The following KCNC4 variants were observed in gnomAD, a reference collection of about 807,000 sequenced individuals.
The protein encoded by KCNC4 is voltage-gated potassium channel KCNC4.
A neutral mutation model predicts 42.8 loss-of-function variants in KCNC4; 23 were observed. The observed-to-expected ratio is 0.54, with a 90% CI of 0.39 to 0.76. The LOEUF is 0.76. Among genes scored for constraint, KCNC4 ranks in the 30% least tolerant of loss-of-function variants. The pLI, the probability that KCNC4 is intolerant of heterozygous loss-of-function variation, is 0.00. For missense variants in KCNC4, 751 were observed against 898.2 expected (o/e 0.84, Z 2.10); for synonymous variants, 422 against 393.5 (o/e 1.07, Z -0.86).
At position 110,211,733 on chromosome 1, in the gene KCNC4, C is replaced by T. The variant is rs1557849990; in HGVS notation, c.234C>T (p.Gly78=). 2 of 1,608,768 alleles carry T rather than the reference C, an allele frequency of 1.2e-6. No homozygotes were observed. Among genetic ancestry groups the T allele is most frequent in the Non-Finnish European group, 1.7e-6 (2 of 1,178,000 alleles). Residue 78 remains glycine (G), a synonymous_variant, in exon 1 of 4, where the codon GGC becomes GGT. Transcript: ENST00000438661. The surrounding 1 kb of genome is among the most constrained non-coding windows in gnomAD (Gnocchi z 6.5). Reference sequence around the variant, plus strand: ...GCGGGGGCCGGCCCGAGACCGATGGCGGCGGTGTGGGTAGCAGCGGCAGCA... The same window carrying T: ...GCGGGGGCCGGCCCGAGACCGATGGTGGCGGTGTGGGTAGCAGCGGCAGCA... ...PDGGGRPETD[G]GGVGSSGSSG...
chr1:110,232,188 G>T (rs753747337), intron 3 of KCNC4: 3 of 1,608,800 alleles, frequency 1.9e-6, no homozygotes, highest in Admixed American at 3.4e-5. Flanking sequence ...TTCTCAATAA[G>T]GTACTATTTC....
chr1:110,212,193 C>T lies in KCNC4; in HGVS notation c.678+16C>T. ...GGCCGCTAGGGTGAGTGGCAGGAGC[C>T]CGTGTCTCCCCATCTTGGGTCTGCA... On this transcript the variant is annotated intron_variant, in intron 1 of 3. Transcript: ENST00000438661. 3 of 1,458,266 alleles carry T rather than the reference C, an allele frequency of 2.1e-6. No homozygotes were observed. The highest frequency in any genetic ancestry group is 1.8e-6 in the Non-Finnish European group (2 of 1,120,776). The allele number at this position is 1,458,266 out of a possible 1,614,324, so 90.3% of individuals were successfully genotyped here.
intron 1 of KCNC4, among the ~76,000 whole-genome samples, chr1:110,257,421 A>G (rs1659353084): frequency 6.6e-6 from 1 of 152,082 alleles, no homozygotes; most frequent in Non-Finnish European, 1.5e-5. Flanking sequence ...CGCAAAAAAA[A>G]AAAAAGTCCA....
chr1:110,251,875 C>T (rs1233875947), downstream of KCNC4, among the ~76,000 whole-genome samples: 18 of 152,320 alleles, frequency 1.2e-4, no homozygotes, highest in South Asian at 1.9e-3. Flanking sequence ...GGTTTGACCC[C>T]GGTGTTTCTG....
chr1:110,258,871 TC>T (rs1258694550), intron 1 of KCNC4, among the ~76,000 whole-genome samples: 1 of 152,072 alleles, frequency 6.6e-6, no homozygotes, highest in African/African-American at 2.4e-5. Context: ...GCCCTCAGCC[TC>T]CCCTCCTCCT....
At chr1:110,270,427 A>C (rs1381846329) in intron 1 of KCNC4, among the ~76,000 whole-genome samples, 1 of 152,242 alleles carries the variant, frequency 6.6e-6, no homozygotes, top group Non-Finnish European at 1.5e-5. Flanking sequence ...CCTGAAGATC[A>C]AACCAAAGCT....
chr1:110,223,532 A>G lies in KCNC4; in HGVS notation c.1247A>G (p.Asp416Gly). The change falls in exon 2 of 4, where the codon GAC becomes GGC. Residue 416 changes from aspartate to glycine, a missense_variant. This residue lies in a region of KCNC4 where 185 missense variants were observed against 293.7 expected (regional missense o/e 0.63). Coordinates refer to ENST00000438661, the MANE Select transcript of KCNC4 (RefSeq NM_001039574.3). The surrounding 1 kb of genome is among the most constrained non-coding windows in gnomAD (Gnocchi z 7.5). The stretch of plus-strand genomic sequence containing the variant: ...AGGCCCTCCGACCCTCGGGGTAATG[A>G]CCACACCGACTTCAAGAACATCCCC... ...GARPSDPRGN[D>G]HTDFKNIPIG... The G allele has an allele frequency of 1.2e-6, 2 of 1,613,874 alleles. No individual in the cohort carries two copies. The highest frequency in any genetic ancestry group is 1.3e-5 in the African/African-American group (1 of 75,018).
At chr1:110,281,415 C>G (rs1295830316) in intron 1 of KCNC4, among the ~76,000 whole-genome samples, 1 of 151,998 alleles carries the variant, frequency 6.6e-6, no homozygotes, top group Non-Finnish European at 1.5e-5. Context: ...GCTCCCACTC[C>G]TCTCTTCAGA....
intron 1 of KCNC4, among the ~76,000 whole-genome samples, chr1:110,269,453 C>G (rs1659603639): frequency 6.6e-6 from 1 of 152,208 alleles, no homozygotes; most frequent in Admixed American, 6.5e-5. Flanking sequence ...GCTTCTTTCA[C>G]TCAGAGAGAC....
At chr1:110,217,050 C>G (rs1363506056) in intron 1 of KCNC4, among the ~76,000 whole-genome samples, 1 of 152,172 alleles carries the variant, frequency 6.6e-6, no homozygotes, top group Non-Finnish European at 1.5e-5. Flanking sequence ...TGCGTACTTA[C>G]CATACACATG....
At chr1:110,267,939 C>T (rs1659571344) in intron 1 of KCNC4, among the ~76,000 whole-genome samples, 1 of 152,160 alleles carries the variant, frequency 6.6e-6, no homozygotes, top group South Asian at 2.1e-4. Context: ...GGTAAGGGCT[C>T]TAACTTTGCT....
chr1:110,217,812 C>T (rs868617467), intron 1 of KCNC4, among the ~76,000 whole-genome samples: 9 of 152,242 alleles, frequency 5.9e-5, no homozygotes, highest in Middle Eastern at 3.4e-3. Context: ...GGCCTTAGTG[C>T]GGGCCCTCAA....
At chr1:110,241,026 A>G (rs976375207) in exon 4 of KCNC4, 2 of 152,390 alleles carry the variant, frequency 1.3e-5, no homozygotes, top group Non-Finnish European at 2.9e-5. Flanking sequence ...AGAGATGGCA[A>G]CCAGCTCCCA....
At chr1:110,273,563 T>C (rs1192563898) in intron 1 of KCNC4, among the ~76,000 whole-genome samples, 1 of 152,216 alleles carries the variant, frequency 6.6e-6, no homozygotes, top group Non-Finnish European at 1.5e-5. Flanking sequence ...GCTGTGGATT[T>C]GAACTGTGTT....
chr1:110,211,913 C>G lies in KCNC4; in HGVS notation c.414C>G (p.Thr138=). Residue 138 remains threonine, a synonymous_variant, in exon 1 of 4, where the codon ACC becomes ACG. Transcript: ENST00000438661. This position sits in a 1 kb window ranked among gnomAD's most constrained non-coding sequence, Gnocchi z 6.5. ...EELTFWGIDE[T]DVEPCCWMTY... is the part of the protein sequence containing the mutation. The stretch of plus-strand genomic sequence containing the variant: ...TCACCTTCTGGGGCATCGACGAGAC[C>G]GACGTGGAACCCTGCTGCTGGATGA... The G allele has an allele frequency of 1.2e-6, 2 of 1,611,632 alleles. No individual in the cohort carries two copies. Among genetic ancestry groups the G allele is most frequent in the African/African-American group, 1.3e-5 (1 of 74,996 alleles).
chr1:110,228,347 C>T (rs1658517745), intron 3 of KCNC4, among the ~76,000 whole-genome samples: 2 of 152,040 alleles, frequency 1.3e-5, no homozygotes, highest in Non-Finnish European at 2.9e-5. Flanking sequence ...CAGGACAGGA[C>T]AAAAGTCAGC....
At chr1:110,232,166 G>A in intron 3 of KCNC4, 1 of 1,571,892 alleles carries the variant, frequency 6.4e-7, no homozygotes, top group Non-Finnish European at 8.7e-7. Flanking sequence ...AGGGCTCTCT[G>A]AGGGGTTGGG....
At chr1:110,212,203 C>A in intron 1 of KCNC4, 26 bp downstream of exon 1, 1 of 1,440,380 alleles carries the variant, frequency 6.9e-7, no homozygotes, top group Non-Finnish European at 9.0e-7. Context: ...CCGTGTCTCC[C>A]CATCTTGGGT....
intron 1 of KCNC4, among the ~76,000 whole-genome samples, chr1:110,257,117 G>C (rs1351096669): frequency 2.6e-5 from 4 of 152,196 alleles, no homozygotes; most frequent in African/African-American, 9.6e-5. Flanking sequence ...TGATTCTCTT[G>C]ATCCAAGTTA....
Sources: allele counts gnomAD v4.1 joint callset (sites outside exome capture counted in the v4.1 genomes callset), GRCh38; gene constraint gnomAD v4.1.1; regional missense constraint gnomAD v4.1.1; non-coding constraint Gnocchi (gnomAD v3.1); transcripts MANE v1.5; gene names NCBI Gene and HGNC (gene_info 2026-07-23, HGNC 2026-07-21).